MIA3: variants seen among roughly 807,000 people sequenced by gnomAD.
The protein encoded by MIA3 is MIA SH3 domain ER export factor 3, also known as transport and Golgi organization protein 1 homolog.
MIA3 carries 90 observed loss-of-function variants against 192.4 expected under a neutral mutation model. The ratio of observed to expected loss-of-function variants is 0.47; its 90% CI spans 0.39 to 0.56. The LOEUF is 0.56. MIA3 is among the 20% of genes least tolerant of loss of function. MIA3 has a pLI of 0.00. For synonymous variants in MIA3, 740 were observed against 792.8 expected (o/e 0.93, Z 1.12); for missense variants, 2,123 against 2,269.4 (o/e 0.94, Z 1.31).
chr1:222,645,469 T>G, intron 6 of MIA3, 85 bp from the exon 7 acceptor site: 1 of 1,292,514 alleles, frequency 7.7e-7, no homozygotes, highest in Non-Finnish European at 1.1e-6. Context: ...TGGTTTAGAA[T>G]TTCTGTGAAT....
rs1176286722 is a variant in MIA3 at position 222,629,386 on chromosome 1, G to T, written c.2166G>T (p.Glu722Asp). The change falls in exon 4 of 28, where the codon GAG becomes GAT. Residue 722 changes from glutamate (E) to aspartate (D), a missense_variant. Transcript: ENST00000344922. ...GGPAFLSKVE[E>D]DDYPSEELLE... ...CAGCTTTCCTTTCTAAAGTAGAAGA[G>T]GATGATTATCCCTCTGAAGAACTAC... 1 of 1,614,072 alleles carries T rather than the reference G, an allele frequency of 6.2e-7. No individual in the cohort carries two copies. The highest frequency in any genetic ancestry group is 1.3e-5 in the African/African-American group (1 of 74,922).
chr1:222,622,364 C>T (rs996155258), intron 2 of MIA3, among the ~76,000 whole-genome samples: 3 of 152,212 alleles, frequency 2.0e-5, no homozygotes, highest in Non-Finnish European at 4.4e-5. Context: ...TGTGTCTTTA[C>T]TTCAAGTAGT....
At chr1:222,644,698 G>A (rs1558186359) in intron 6 of MIA3, 1 of 1,200,124 alleles carries the variant, frequency 8.3e-7, no homozygotes, top group Non-Finnish European at 1.2e-6. Flanking sequence ...GAGTGTGTCA[G>A]ATCCGAGGAA....
chr1:222,638,184 G>A (rs1048569424), intron 6 of MIA3, among the ~76,000 whole-genome samples: 6 of 151,804 alleles, frequency 4.0e-5, no homozygotes, highest in African/African-American at 9.7e-5. Context: ...CACATGAAGC[G>A]TTTACCAAAA....
In MIA3 at chr1:222,627,753, A is replaced by C; in HGVS notation, c.533A>C (p.Glu178Ala). 1 of 1,612,898 alleles carries C rather than the reference A, an allele frequency of 6.2e-7. No homozygotes were observed. Among genetic ancestry groups the C allele is most frequent in the Non-Finnish European group, 8.5e-7 (1 of 1,179,754 alleles). Residue 178 changes from glutamate (E) to alanine (A), a missense_variant, in exon 4 of 28, where the codon GAA becomes GCA. Glu to Ala is a moderately radical substitution (Grantham distance 107, BLOSUM62 -1). Around this residue, in one of 3 missense-constraint regions of MIA3, gnomAD observed 1,357 missense variants for 1,396.1 expected, o/e 0.97. Coordinates refer to ENST00000344922, the MANE Select transcript of MIA3 (RefSeq NM_198551.4). ...GAATTATCTAAGGAAAGGGAACCTG[A>C]ACCTGAACCAGTAGAAGCCAACTCA... is the stretch of plus-strand genomic sequence containing the variant. ...NPELSKEREP[E>A]PEPVEANSEE...
In MIA3 at chr1:222,641,737, A is replaced by G. The variant is rs1202778419; in HGVS notation, c.3478-3817A>G. The G allele has an allele frequency of 1.1e-5, 6 of 558,842 alleles. No individual in the cohort carries two copies. In the East Asian group the frequency reaches 1.9e-4, roughly 18 times the overall value. 34.6% of individuals were successfully genotyped at this position (558,842 alleles called of 1,614,324 possible). ...CATGTTCAGACAGTCCTTGGCTTCT[A>G]CATACTTGGTCTGTACCACTTTGAG... On this transcript the variant is annotated intron_variant, in intron 6 of 27. Transcript: ENST00000344922.
intron 17 of MIA3, 50 bp from the exon 18 acceptor site, chr1:222,654,605 C>G: frequency 6.3e-7 from 1 of 1,599,530 alleles, no homozygotes; most frequent in Admixed American, 1.7e-5. Context: ...CAACCAAGTT[C>G]TCAAGTTCTT....
intron 6 of MIA3, among the ~76,000 whole-genome samples, chr1:222,645,092 T>A (rs1442160068): frequency 6.6e-6 from 1 of 152,236 alleles, no homozygotes; most frequent in Non-Finnish European, 1.5e-5. Context: ...TTTAAGATTT[T>A]AAATCTTAGA....
In MIA3 at chr1:222,628,961, C is replaced by G; in HGVS notation, c.1741C>G (p.Pro581Ala). ...KIQQESLGSAPLMGDDHPNAS... is the reference protein window; with the variant it reads ...KIQQESLGSAALMGDDHPNAS... ...TCAACAGGAATCCCTGGGTAGTGCA[C>G]CACTCATGGGAGATGACCACCCTAA... Residue 581 changes from proline (P) to alanine (A), a missense_variant, in exon 4 of 28, where the codon CCA becomes GCA. Transcript: ENST00000344922. 6 of 1,614,134 alleles carry G rather than the reference C, an allele frequency of 3.7e-6. No individual in the cohort carries two copies. The highest frequency in any genetic ancestry group is 2.2e-5 in the South Asian group (2 of 91,080).
At chr1:222,630,712 G>C (rs2124849915) in intron 4 of MIA3, among the ~76,000 whole-genome samples, 1 of 152,310 alleles carries the variant, frequency 6.6e-6, no homozygotes, top group Admixed American at 6.5e-5. Context: ...GGGTTTTATT[G>C]AACACAATTT....
chr1:222,644,606 G>A, intron 6 of MIA3: 1 of 1,550,396 alleles, frequency 6.4e-7, no homozygotes, highest in Non-Finnish European at 8.7e-7. Flanking sequence ...CCGATTCCCG[G>A]GGAGGGACCC....
chr1:222,637,823 C>G (rs1267989959), intron 6 of MIA3, among the ~76,000 whole-genome samples: 1 of 151,778 alleles, frequency 6.6e-6, no homozygotes, highest in Non-Finnish European at 1.5e-5. Flanking sequence ...TCCTGAGTAG[C>G]TGGGACTACA....
At chr1:222,620,300 C>T (rs980586087) in intron 1 of MIA3, among the ~76,000 whole-genome samples, 23 of 152,158 alleles carry the variant, frequency 1.5e-4, no homozygotes, top group African/African-American at 5.6e-4. Context: ...ATGTGGTCAA[C>T]AAAAATAAAA....
At chr1:222,665,197 C>CAAAAAAAAAAA in intron 27 of MIA3, 112 bp from the exon 28 acceptor site, 1 of 378,494 alleles carries the variant, frequency 2.6e-6, no homozygotes, top group Non-Finnish European at 4.5e-6. Flanking sequence ...ACCCTGCCGC[C>CAAAAAAAAAAA]AAAAAAAAAA....
chr1:222,641,245 A>T (rs1261564730), intron 6 of MIA3, among the ~76,000 whole-genome samples: 1 of 152,254 alleles, frequency 6.6e-6, no homozygotes, highest in Admixed American at 6.5e-5. Context: ...CCCAAGTGAA[A>T]ATAAATTATA....
At chr1:222,637,165 G>T (rs137977473) in intron 6 of MIA3, among the ~76,000 whole-genome samples, 2 of 152,170 alleles carry the variant, frequency 1.3e-5, no homozygotes, top group African/African-American at 4.8e-5. Context: ...ATTCATTGAA[G>T]AAACAGTTTT....
intron 6 of MIA3, among the ~76,000 whole-genome samples, chr1:222,645,229 T>A (rs1663083153): frequency 6.6e-6 from 1 of 152,230 alleles, no homozygotes; most frequent in African/African-American, 2.4e-5. Context: ...AAAAACCAAT[T>A]TATTCAAGAC....
At chr1:222,635,341 G>A (rs928744261) in intron 6 of MIA3, among the ~76,000 whole-genome samples, 8 of 152,158 alleles carry the variant, frequency 5.3e-5, no homozygotes, top group African/African-American at 1.9e-4. Flanking sequence ...CTGGGTTGGG[G>A]CATATAGGAG....
Position 222,659,915 on chromosome 1 carries a change from A to G in MIA3, c.4884A>G (p.Glu1628=). Residue 1628 remains glutamate, a synonymous_variant, in exon 23 of 28, where the codon GAA becomes GAG. Transcript: ENST00000344922. Reference sequence around the variant, plus strand: ...TTTCTCTATATTCAAGATTATTAGAATTAACACAAAAGATGGCAATGCTGC... The same window carrying G: ...TTTCTCTATATTCAAGATTATTAGAGTTAACACAAAAGATGGCAATGCTGC... The part of the protein sequence containing the change: ...EAANLRHKLL[E]LTQKMAMLQE... 2 of 1,612,470 alleles carry G rather than the reference A, an allele frequency of 1.2e-6. No homozygotes were observed. The highest frequency in any genetic ancestry group is 1.7e-6 in the Non-Finnish European group (2 of 1,178,864).
Sources: allele counts gnomAD v4.1 joint callset (sites outside exome capture counted in the v4.1 genomes callset), GRCh38; gene constraint gnomAD v4.1.1; regional missense constraint gnomAD v4.1.1; transcripts MANE v1.5; gene names NCBI Gene and HGNC (gene_info 2026-07-23, HGNC 2026-07-21).